Variants in ANO10 observed in about 807,000 individuals in gnomAD.
ANO10 encodes anoctamin 10.
A neutral mutation model predicts 74.7 loss-of-function variants in ANO10; 77 were observed. The ratio of observed to expected loss-of-function variants is 1.03; its 90% CI spans 0.86 to 1.25. The LOEUF is 1.25. Among genes scored for constraint, ANO10 ranks in the 50% most tolerant of loss-of-function variants. ANO10 has a pLI of 0.00. For missense variants in ANO10, 721 were observed against 778.1 expected, an observed-to-expected ratio of 0.93 and a Z score of 0.87; for synonymous variants, 279 against 284.9, an observed-to-expected ratio of 0.98 and a Z score of 0.21.
At chr3:43,484,499 AAT>A (rs1457891565) in intron 11 of ANO10, among the ~76,000 whole-genome samples, 8 of 152,188 alleles carry the variant, frequency 5.3e-5, no homozygotes, top group African/African-American at 1.7e-4. Context: ...GTAATTTCAA[AAT>A]ATGTCAAAGA....
intron 11 of ANO10, among the ~76,000 whole-genome samples, chr3:43,490,729 CCAGAAGTGAA>C (rs111907368): frequency 2.0e-5 from 3 of 152,200 alleles, no homozygotes; most frequent in African/African-American, 7.2e-5. Context: ...CAAATAGAAC[CCAGAAGTGAA>C]TTTGTTACAG....
chr3:43,650,675 A>G (rs2083777439), intron 1 of ANO10, among the ~76,000 whole-genome samples: 4 of 152,212 alleles, frequency 2.6e-5, no homozygotes, highest in Admixed American at 2.6e-4. Flanking sequence ...AAAGTACTGA[A>G]TCATTTTTTT....
intron 11 of ANO10, among the ~76,000 whole-genome samples, chr3:43,502,367 C>T (rs968262438): frequency 6.6e-5 from 10 of 152,236 alleles, no homozygotes; most frequent in Middle Eastern, 3.4e-3. Flanking sequence ...TTGGTGCCAT[C>T]CTTGCTGTAA....
chr3:43,621,856 G>T (rs1441020392), intron 1 of ANO10, 53 bp downstream of exon 1: 3 of 152,590 alleles, frequency 2.0e-5, no homozygotes, highest in African/African-American at 7.2e-5. Context: ...GCTGCAAGGG[G>T]CCGGGCTCTG....
At chr3:43,384,070 G>C (rs549510618) in intron 12 of ANO10, among the ~76,000 whole-genome samples, 1 of 152,104 alleles carries the variant, frequency 6.6e-6, no homozygotes, top group South Asian at 2.1e-4. Flanking sequence ...ATTCGGCAAA[G>C]TTTCCAGATA....
chr3:43,489,975 A>G (rs1249229146), intron 11 of ANO10, among the ~76,000 whole-genome samples: 1 of 152,246 alleles, frequency 6.6e-6, no homozygotes, highest in Admixed American at 6.5e-5. Flanking sequence ...CTGGAAAAGA[A>G]TAAGCCTGTA....
At chr3:43,549,894 C>T (rs940542554) in intron 10 of ANO10, 46 bp from the exon 11 acceptor site, 2 of 1,599,522 alleles carry the variant, frequency 1.3e-6, no homozygotes, top group African/African-American at 2.7e-5. Context: ...TGACTGCTTC[C>T]ATATTTCCTC....
chr3:43,580,508 G>A (rs775106408), intron 4 of ANO10, 36 bp from the exon 5 acceptor site: 2 of 1,610,386 alleles, frequency 1.2e-6, no homozygotes, highest in East Asian at 2.2e-5. Flanking sequence ...GCATGAAATG[G>A]ACTGGAGATT....
At chr3:43,552,724 ATATATGTATGTATGTATGTATGTATG>A (rs1219053065) in intron 10 of ANO10, among the ~76,000 whole-genome samples, 1 of 102,970 alleles carries the variant, frequency 9.7e-6, no homozygotes, top group African/African-American at 3.7e-5. Flanking sequence ...ATATATATAT[ATATATGTATGTATGTATGTATGTATG>A]TATGTATGTA....
rs540871455 is a variant in ANO10, at chr3:43,463,642, C to A, written c.1798-30915G>T. On this transcript the variant is annotated intron_variant, in intron 11 of 12. Transcript: ENST00000292246. ...GCTGTATTTACCCAATGCCTGTACC[C>A]CCACTGTATCTAGGAAGTAACTGAC... Among the ~76,000 whole-genome samples the A allele has an allele frequency of 5.3e-5, 8 of 152,286 alleles. No homozygotes were observed. The East Asian group carries it at 1.2e-3, about 22-fold the overall frequency.
chr3:43,446,622 ACTT>A (rs1487832829), intron 11 of ANO10, among the ~76,000 whole-genome samples: 1 of 152,184 alleles, frequency 6.6e-6, no homozygotes, highest in Non-Finnish European at 1.5e-5. Flanking sequence ...AATTTGAACT[ACTT>A]CTTTGAGAAA....
At chr3:43,460,071 C>T (rs1309608992) in intron 11 of ANO10, among the ~76,000 whole-genome samples, 1 of 152,082 alleles carries the variant, frequency 6.6e-6, no homozygotes, top group East Asian at 1.9e-4. Context: ...AACAAAAAGG[C>T]ATCCATAATA....
At chr3:43,440,411 C>T (rs759230903) in intron 11 of ANO10, among the ~76,000 whole-genome samples, 19 of 152,080 alleles carry the variant, frequency 1.2e-4, no homozygotes, top group Non-Finnish European at 2.5e-4. Flanking sequence ...ACCATACTTA[C>T]ATCAGACAAA....
At chr3:43,523,785 C>T (rs770840205) in intron 11 of ANO10, among the ~76,000 whole-genome samples, 7 of 152,242 alleles carry the variant, frequency 4.6e-5, no homozygotes, top group East Asian at 3.9e-4. Context: ...CACTGTTAGG[C>T]GTAAAGGTAA....
chr3:43,666,828 G>A (rs1326296818), intron 1 of ANO10, among the ~76,000 whole-genome samples: 2 of 152,132 alleles, frequency 1.3e-5, no homozygotes, highest in East Asian at 3.9e-4. Context: ...CCTGAATGCT[G>A]TGTCTTCACA....
intron 11 of ANO10, among the ~76,000 whole-genome samples, chr3:43,435,051 T>TA (rs1453202924): frequency 6.6e-6 from 1 of 152,254 alleles, no homozygotes; most frequent in East Asian, 1.9e-4. Flanking sequence ...AAAACTTATA[T>TA]AAAAAAGAAC....
chr3:43,524,496 G>A (rs1466567511), intron 11 of ANO10, among the ~76,000 whole-genome samples: 1 of 152,148 alleles, frequency 6.6e-6, no homozygotes, highest in East Asian at 1.9e-4. Context: ...AGACCAGGAA[G>A]GTTTCCTCAA....
chr3:43,435,703 T>C (rs2093056234), intron 11 of ANO10, among the ~76,000 whole-genome samples: 3 of 152,186 alleles, frequency 2.0e-5, no homozygotes, highest in Admixed American at 6.6e-5. Context: ...CAATTATAGG[T>C]TTATTTGCTT....
intron 11 of ANO10, among the ~76,000 whole-genome samples, chr3:43,447,020 T>C (rs1178683569): frequency 6.6e-6 from 1 of 152,198 alleles, no homozygotes; most frequent in Non-Finnish European, 1.5e-5. Flanking sequence ...ACAGAAATAC[T>C]GTTCAGCATT....
Sources: gnomAD v4.1 joint callset for allele counts (sites outside exome capture counted in the v4.1 genomes callset) on GRCh38, gnomAD v4.1.1 for gene constraint, MANE v1.5 for transcripts, NCBI Gene and HGNC (gene_info 2026-07-23, HGNC 2026-07-21) for gene names.